Variants in MAST4 observed in about 807,000 individuals in gnomAD.
The protein encoded by MAST4 is microtubule-associated serine/threonine-protein kinase 4.
Under a neutral mutation model 162.7 loss-of-function variants are expected in MAST4, and 89 were observed. The ratio of observed to expected loss-of-function variants is 0.55; its 90% CI spans 0.46 to 0.65. MAST4 has a LOEUF of 0.65. Among genes scored for constraint, MAST4 ranks in the 30% least tolerant of loss-of-function variants. MAST4 has a pLI of 0.00. For synonymous variants in MAST4, 1,479 were observed against 1,361.1 expected, an observed-to-expected ratio of 1.09 and a Z score of -1.91; for missense variants, 3,153 against 3,374.0, an observed-to-expected ratio of 0.93 and a Z score of 1.62.
chr5:66,788,607 C>CCAAGCAAAAATAAAAAA, intron 2 of MAST4, 63 bp from the exon 3 acceptor site: 1 of 1,373,728 alleles, frequency 7.3e-7, no homozygotes, highest in Non-Finnish European at 1.0e-6. Context: ...CCCCCACCCC[C>CCAAGCAAAAATAAAAAA]ATTGCAATAA....
At chr5:66,826,608 C>T (rs775818915) in intron 3 of MAST4, among the ~76,000 whole-genome samples, 1 of 152,058 alleles carries the variant, frequency 6.6e-6, no homozygotes, top group South Asian at 2.1e-4. Context: ...CCCACCACCC[C>T]CCCCAATCCC....
chr5:67,049,051 A>ACG (rs1757814421), intron 4 of MAST4, among the ~76,000 whole-genome samples: 3 of 111,368 alleles, frequency 2.7e-5, no homozygotes, highest in African/African-American at 1.1e-4. Flanking sequence ...ACGTGTATAT[A>ACG]TATATATACG....
chr5:66,845,346 C>A (rs1289404970), intron 3 of MAST4, among the ~76,000 whole-genome samples: 4 of 151,630 alleles, frequency 2.6e-5, no homozygotes, highest in Non-Finnish European at 5.9e-5. Flanking sequence ...TCAATTCCCA[C>A]CTATGAGTAA....
chr5:66,712,895 A>T (rs1750587146), intron 1 of MAST4, among the ~76,000 whole-genome samples: 2 of 152,182 alleles, frequency 1.3e-5, no homozygotes, highest in Non-Finnish European at 2.9e-5. Context: ...GGGAAAGTTG[A>T]TTTGCAGTAT....
At chr5:66,614,544 G>T (rs1743537981) in intron 1 of MAST4, among the ~76,000 whole-genome samples, 1 of 152,116 alleles carries the variant, frequency 6.6e-6, no homozygotes, top group Non-Finnish European at 1.5e-5. Context: ...CTTGATGAGG[G>T]CCATGAGATC....
At chr5:67,005,099 G>T in intron 4 of MAST4, 2 of 747,412 alleles carry the variant, frequency 2.7e-6, no homozygotes. Flanking sequence ...AAAACGCGGG[G>T]ATCTCTGCCT....
At chr5:66,729,664 C>G (rs1180375353) in intron 1 of MAST4, among the ~76,000 whole-genome samples, 6 of 152,232 alleles carry the variant, frequency 3.9e-5, no homozygotes, top group African/African-American at 1.2e-4. Flanking sequence ...TTCTGGGACC[C>G]TCTTAATTTT....
intron 4 of MAST4, among the ~76,000 whole-genome samples, chr5:66,999,555 CTT>C (rs1312345132): frequency 1.3e-5 from 2 of 152,216 alleles, no homozygotes; most frequent in African/African-American, 4.8e-5. Context: ...CTTGCATTCT[CTT>C]CCCATTCTGG....
At chr5:66,994,569 T>G (rs1750416522) in intron 4 of MAST4, among the ~76,000 whole-genome samples, 1 of 152,222 alleles carries the variant, frequency 6.6e-6, no homozygotes, top group Admixed American at 6.5e-5. Context: ...TTTGAAAGTT[T>G]TTTGATCACC....
At chr5:66,837,860 G>C (rs1457432761) in intron 3 of MAST4, among the ~76,000 whole-genome samples, 1 of 85,292 alleles carries the variant, frequency 1.2e-5, no homozygotes, top group African/African-American at 5.3e-5. Context: ...AGTGAGACTT[G>C]ATTTTATATA....
intron 1 of MAST4, among the ~76,000 whole-genome samples, chr5:66,685,246 G>A (rs1294252602): frequency 6.7e-6 from 1 of 148,366 alleles, no homozygotes; most frequent in African/African-American, 2.5e-5. Context: ...CTGGGTGACA[G>A]AGTGAGACCT....
intron 4 of MAST4, among the ~76,000 whole-genome samples, chr5:66,910,586 C>T (rs1487323643): frequency 6.6e-6 from 1 of 152,120 alleles, no homozygotes; most frequent in Non-Finnish European, 1.5e-5. Flanking sequence ...TCCATGTGGC[C>T]ATAGACTATC....
At chr5:67,050,792 T>C (rs1758075747) in intron 4 of MAST4, among the ~76,000 whole-genome samples, 1 of 152,072 alleles carries the variant, frequency 6.6e-6, no homozygotes, top group South Asian at 2.1e-4. Flanking sequence ...GAGAACAAAC[T>C]GTGCAACTCA....
At chr5:67,058,300 G>A (rs1204479839) in intron 5 of MAST4, among the ~76,000 whole-genome samples, 2 of 152,116 alleles carry the variant, frequency 1.3e-5, no homozygotes, top group Non-Finnish European at 2.9e-5. Flanking sequence ...ATGGGAAAGC[G>A]GTCCCTTTCC....
rs113730141 is a variant in MAST4, at chr5:66,665,053, A to G, written c.363+68035A>G. ...GAAAGAAGAGGAAAGGTGGAAAAGAACAGAGTACTATCAGAAGAGGCAGTG... is the reference window on the plus strand; with the variant it reads ...GAAAGAAGAGGAAAGGTGGAAAAGAGCAGAGTACTATCAGAAGAGGCAGTG... On this transcript the variant is annotated intron_variant, in intron 1 of 28. Transcript: ENST00000403625. Among the ~76,000 whole-genome samples the G allele has an allele frequency of 9.3e-3, 1,424 of 152,318 alleles. 19 individuals carry two copies. The highest frequency in any genetic ancestry group is 0.033 in the African/African-American group (1,362 of 41,556).
chr5:67,161,914 A>G (rs1431178455), intron 27 of MAST4, among the ~76,000 whole-genome samples: 1 of 152,192 alleles, frequency 6.6e-6, no homozygotes, highest in African/African-American at 2.4e-5. Context: ...TTATATGGTA[A>G]AAGAACTTTG....
rs1755062802 is a variant in MAST4, at chr5:66,785,305, ACT to A, written c.518-3362_518-3361del. On this transcript the variant is annotated intron_variant, in intron 2 of 28. Transcript: ENST00000403625. ...TGATGCCAAGCCTGTGGTTTGAATC[ACT>A]CTGCTCCCATCTTTCCAGGTGCTTT... Among the ~76,000 whole-genome samples the A allele has an allele frequency of 2.0e-5, 3 of 152,174 alleles. 1 individual carries two copies. The South Asian group carries it at 6.2e-4, about 32-fold the overall frequency.
intron 24 of MAST4, 146 bp downstream of exon 24, chr5:67,149,735 C>A: frequency 1.2e-6 from 1 of 812,740 alleles, no homozygotes; most frequent in Non-Finnish European, 2.0e-6. Flanking sequence ...GAGCTTCTGC[C>A]TGCAGACTCT....
chr5:66,826,776 G>T (rs564739027), intron 3 of MAST4, among the ~76,000 whole-genome samples: 11 of 152,330 alleles, frequency 7.2e-5, no homozygotes, highest in African/African-American at 2.2e-4. Context: ...CTTGGGTCAA[G>T]ATTTTTTCCA....
Sources: gnomAD v4.1 joint callset for allele counts (sites outside exome capture counted in the v4.1 genomes callset) on GRCh38, gnomAD v4.1.1 for gene constraint, MANE v1.5 for transcripts, NCBI Gene and HGNC (gene_info 2026-07-23, HGNC 2026-07-21) for gene names.